The following SLC2A13 variants were observed in gnomAD, a reference collection of about 807,000 sequenced individuals.
The protein encoded by SLC2A13 is proton myo-inositol cotransporter.
In SLC2A13, 32 loss-of-function variants were observed where a neutral mutation model predicts 64.4. That is an observed-to-expected ratio of 0.50 (90% CI 0.37 to 0.67). SLC2A13 has a LOEUF of 0.67. Among genes scored for constraint, SLC2A13 ranks in the 30% least tolerant of loss-of-function variants. The pLI is 0.00. For synonymous variants in SLC2A13, 338 were observed against 327.1 expected (o/e 1.03, Z -0.36); for missense variants, 743 against 829.2 (o/e 0.90, Z 1.28).
intron 1 of SLC2A13, among the ~76,000 whole-genome samples, chr12:40,095,264 T>C (rs1020334209): frequency 2.0e-5 from 3 of 152,246 alleles, no homozygotes; most frequent in Non-Finnish European, 4.4e-5. Context: ...CACAGTGTTT[T>C]GTTATGTGTG....
At chr12:39,935,197 C>G (rs1592297002) in intron 4 of SLC2A13, among the ~76,000 whole-genome samples, 1 of 151,962 alleles carries the variant, frequency 6.6e-6, no homozygotes, top group African/African-American at 2.4e-5. Context: ...TAAGACCTGC[C>G]TGGGCAACAT....
chr12:40,027,570 C>T (rs1303993370), intron 3 of SLC2A13, among the ~76,000 whole-genome samples: 2 of 152,140 alleles, frequency 1.3e-5, no homozygotes, highest in African/African-American at 4.8e-5. Flanking sequence ...AGACATGTAT[C>T]AGCAAAGGAG....
chr12:40,014,763 G>T (rs1370090216), intron 3 of SLC2A13, among the ~76,000 whole-genome samples: 2 of 152,170 alleles, frequency 1.3e-5, no homozygotes, highest in Non-Finnish European at 2.9e-5. Flanking sequence ...GAAGTACTGG[G>T]ATTACAGGCG....
chr12:39,810,547 C>T (rs1407338423), intron 7 of SLC2A13, among the ~76,000 whole-genome samples: 1 of 152,050 alleles, frequency 6.6e-6, no homozygotes, highest in Non-Finnish European at 1.5e-5. Context: ...GACATTCTCA[C>T]CTAGTTTTCA....
At chr12:39,929,206 C>A (rs939173470) in intron 4 of SLC2A13, among the ~76,000 whole-genome samples, 2 of 152,158 alleles carry the variant, frequency 1.3e-5, no homozygotes, top group Non-Finnish European at 2.9e-5. Flanking sequence ...GAACTTTTCA[C>A]AGGAAACTAG....
chr12:40,042,547 T>G (rs553139169), intron 2 of SLC2A13, among the ~76,000 whole-genome samples: 1 of 152,176 alleles, frequency 6.6e-6, no homozygotes, highest in South Asian at 2.1e-4. Flanking sequence ...TATCTATCTA[T>G]GAAGTATATA....
At chr12:40,063,275 G>A (rs1220252415) in intron 1 of SLC2A13, among the ~76,000 whole-genome samples, 1 of 151,976 alleles carries the variant, frequency 6.6e-6, no homozygotes. Flanking sequence ...CCGTTTTGAA[G>A]ATAAAGGATA....
intron 6 of SLC2A13, among the ~76,000 whole-genome samples, chr12:39,846,595 G>A (rs1943320230): frequency 6.6e-6 from 1 of 152,126 alleles, no homozygotes; most frequent in African/African-American, 2.4e-5. Context: ...GAGTCTACAG[G>A]CACATACCAA....
intron 3 of SLC2A13, among the ~76,000 whole-genome samples, chr12:39,979,517 G>T (rs1301361644): frequency 1.3e-5 from 2 of 149,588 alleles, no homozygotes; most frequent in African/African-American, 4.9e-5. Context: ...CGAGAACTAC[G>T]TGAAGAATGC....
intron 2 of SLC2A13, among the ~76,000 whole-genome samples, chr12:40,031,668 T>C (rs986627039): frequency 6.6e-6 from 1 of 152,212 alleles, no homozygotes; most frequent in Non-Finnish European, 1.5e-5. Flanking sequence ...ATCAATTCAC[T>C]GTAACGTGTT....
At chr12:40,022,894 C>T (rs546202686) in intron 3 of SLC2A13, among the ~76,000 whole-genome samples, 5 of 152,054 alleles carry the variant, frequency 3.3e-5, no homozygotes, top group African/African-American at 1.2e-4. Context: ...CCCTCCCCCC[C>T]CAAAAAAAGC....
chr12:40,075,247 T>C (rs1938124311), intron 1 of SLC2A13, among the ~76,000 whole-genome samples: 1 of 151,952 alleles, frequency 6.6e-6, no homozygotes, highest in African/African-American at 2.4e-5. Context: ...CCTCCTGGAG[T>C]TTTTAAAATC....
intron 4 of SLC2A13, among the ~76,000 whole-genome samples, chr12:39,878,740 G>T (rs1020716952): frequency 2.0e-5 from 3 of 152,172 alleles, no homozygotes; most frequent in South Asian, 4.1e-4. Context: ...GGCAGAAAAA[G>T]AAAAAAGCTT....
rs1193729289 is a variant in SLC2A13, at chr12:39,849,982, T to C, written c.1319+14780A>G. Among the ~76,000 whole-genome samples the C allele has an allele frequency of 6.6e-4, 101 of 152,192 alleles. 1 individual carries two copies. The highest frequency in any genetic ancestry group is 6.5e-3 in the Admixed American group (99 of 15,272). ...CTTTAATCCTATGGTTTAAAATCTATGGATTCTGTGTCTTTCCTCATTTTT... is the reference window on the plus strand; with the variant it reads ...CTTTAATCCTATGGTTTAAAATCTACGGATTCTGTGTCTTTCCTCATTTTT... On this transcript the variant is annotated intron_variant, in intron 6 of 9. Transcript: ENST00000280871.
intron 4 of SLC2A13, among the ~76,000 whole-genome samples, chr12:39,946,684 C>T (rs543581643): frequency 5.9e-5 from 9 of 152,278 alleles, no homozygotes; most frequent in Non-Finnish European, 7.4e-5. Context: ...CTCACGCAAA[C>T]GGAAGAGCCG....
intron 1 of SLC2A13, among the ~76,000 whole-genome samples, chr12:40,101,221 T>G (rs1939138638): frequency 6.6e-6 from 1 of 152,094 alleles, no homozygotes. Context: ...AATGCCATAT[T>G]TAAAACAGGC....
At chr12:40,064,885 G>C in intron 1 of SLC2A13, among the ~76,000 whole-genome samples, 1 of 152,096 alleles carries the variant, frequency 6.6e-6, no homozygotes, top group Non-Finnish European at 1.5e-5. Flanking sequence ...TCTAAAAATT[G>C]ATCATTTCAA....
chr12:39,853,127 A>G (rs953062769), intron 6 of SLC2A13, among the ~76,000 whole-genome samples: 7 of 152,190 alleles, frequency 4.6e-5, no homozygotes, highest in African/African-American at 1.7e-4. Flanking sequence ...GACAACTCAT[A>G]TTCAAGATCC....
At chr12:39,932,993 G>T (rs953246539) in intron 4 of SLC2A13, among the ~76,000 whole-genome samples, 1 of 152,114 alleles carries the variant, frequency 6.6e-6, no homozygotes, top group African/African-American at 2.4e-5. Context: ...TTGGGAGGCT[G>T]AGGTGGGTGG....
Sources: allele counts gnomAD v4.1 joint callset (sites outside exome capture counted in the v4.1 genomes callset), GRCh38; gene constraint gnomAD v4.1.1; transcripts MANE v1.5; gene names NCBI Gene and HGNC (gene_info 2026-07-23, HGNC 2026-07-21).